Variants in SARAF observed in about 807,000 individuals in gnomAD.
SARAF encodes the protein store-operated calcium entry-associated regulatory factor.
SARAF carries 23 observed loss-of-function variants against 39.7 expected under a neutral mutation model. The observed-to-expected ratio is 0.58, with a 90% CI of 0.42 to 0.82. The LOEUF is 0.82. SARAF is among the 40% of genes least tolerant of loss of function. SARAF has a pLI of 0.00. For synonymous variants in SARAF, 175 were observed against 168.5 expected (o/e 1.04, Z -0.30); for missense variants, 384 against 418.5 (o/e 0.92, Z 0.72).
chr8:30,082,694 C>G, intron 1 of SARAF, 153 bp downstream of exon 1: 1 of 570,388 alleles, frequency 1.8e-6, no homozygotes, highest in South Asian at 2.3e-5. Context: ...GCAGTGGAAC[C>G]AGGGAGAGCA....
In SARAF at chr8:30,070,098, A is replaced by G. The variant is rs773589341; in HGVS notation, c.283-39T>C. 2.0e-6 allele frequency: 3 copies of G among 1,530,982 alleles called. No individual in the cohort carries two copies. In the African/African-American group the frequency reaches 4.2e-5, roughly 21 times the overall value. 94.8% of individuals were successfully genotyped at this position (1,530,982 alleles called of 1,614,324 possible). ...TAGAAACAGACTATTAGAAACAAAC[A>G]TTTTTTTCATTTAATATATGTTACT... On this transcript the variant is annotated intron_variant, in intron 2 of 5. Coordinates refer to ENST00000256255, the MANE Select transcript of SARAF (RefSeq NM_016127.6).
intron 5 of SARAF, among the ~76,000 whole-genome samples, chr8:30,064,990 C>T (rs2117418545): frequency 6.6e-6 from 1 of 152,192 alleles, no homozygotes; most frequent in Middle Eastern, 3.4e-3. Context: ...TAAAATGTAA[C>T]TGCTATCATC....
intron 1 of SARAF, among the ~76,000 whole-genome samples, chr8:30,077,800 G>GA (rs1231647262): frequency 4.9e-5 from 7 of 144,260 alleles, no homozygotes; most frequent in African/African-American, 1.5e-4. Flanking sequence ...GGCTCCATCT[G>GA]AAAAAAAAAG....
At chr8:30,066,673 G>A (rs1399941575) in intron 4 of SARAF, 104 bp downstream of exon 4, 8 of 1,418,616 alleles carry the variant, frequency 5.6e-6, no homozygotes, top group South Asian at 2.6e-5. Context: ...ATAGGCTAAC[G>A]TCACCACAAT....
At chr8:30,065,691 T>C (rs770156442) in intron 5 of SARAF, 4 of 296,420 alleles carry the variant, frequency 1.3e-5, no homozygotes, top group Non-Finnish European at 2.6e-5. Flanking sequence ...TAGAAAAGTC[T>C]AGTTTAGAAC....
chr8:30,070,938 C>A (rs538073485), intron 2 of SARAF, among the ~76,000 whole-genome samples: 3 of 152,110 alleles, frequency 2.0e-5, no homozygotes, highest in African/African-American at 7.2e-5. Context: ...GCAAAAAGAA[C>A]CCAGGCTAGC....
At chr8:30,064,561 A>ATATATATTTTTTATTTTT (rs1423689069) in intron 5 of SARAF, among the ~76,000 whole-genome samples, 8 of 46,228 alleles carry the variant, frequency 1.7e-4, no homozygotes, top group Non-Finnish European at 2.8e-4. Context: ...ATATATATAT[A>ATATATATTTTTTATTTTT]TTTTTTTTTT....
At position 30,063,546 on chromosome 8, in the gene SARAF, G is replaced by A. The variant is rs1801604120; in HGVS notation, c.*342C>T. ...CAACCACCTAAAACTGAAATTTTCT[G>A]TACTTAGTTTCTATTAGTACAACAC... On this transcript the variant is annotated 3_prime_UTR_variant, in exon 6 of 6. Coordinates refer to ENST00000256255, the MANE Select transcript of SARAF (RefSeq NM_016127.6). The A allele has an allele frequency of 1.8e-5, 5 of 281,336 alleles. No individual in the cohort carries two copies. In the South Asian group the frequency reaches 2.5e-4, roughly 14 times the overall value. 17.4% of individuals were successfully genotyped at this position (281,336 alleles called of 1,614,324 possible).
intron 2 of SARAF, among the ~76,000 whole-genome samples, chr8:30,070,285 A>T (rs1801808338): frequency 6.6e-6 from 1 of 152,056 alleles, no homozygotes; most frequent in Non-Finnish European, 1.5e-5. Flanking sequence ...GCAGGCGCCT[A>T]TAATCCCAGC....
intron 2 of SARAF, 93 bp downstream of exon 2, chr8:30,073,784 T>C: frequency 9.0e-7 from 1 of 1,107,678 alleles, no homozygotes; most frequent in Non-Finnish European, 1.3e-6. Flanking sequence ...GAGATTTCCG[T>C]AGGTGCACCC....
At chr8:30,065,860 T>C in intron 5 of SARAF, 128 bp downstream of exon 5, 1 of 1,006,848 alleles carries the variant, frequency 9.9e-7, no homozygotes, top group Non-Finnish European at 1.5e-6. Context: ...TTAACTGTGC[T>C]ATTAATATTT....
chr8:30,080,489 T>A (rs930536479), intron 1 of SARAF, among the ~76,000 whole-genome samples: 1 of 152,256 alleles, frequency 6.6e-6, no homozygotes. Flanking sequence ...CTGTTTATCA[T>A]ACACGGTGCA....
chr8:30,074,208 C>T (rs1040872059), intron 1 of SARAF, among the ~76,000 whole-genome samples, 153 bp from the exon 2 acceptor site: 3 of 152,238 alleles, frequency 2.0e-5, no homozygotes, highest in Admixed American at 6.5e-5. Context: ...ACTATCCCAA[C>T]AACATTCAGG....
intron 5 of SARAF, among the ~76,000 whole-genome samples, chr8:30,065,202 C>A (rs1033091): frequency 0.73 from 111,139 of 151,956 alleles, 41,671 homozygotes; most frequent in Non-Finnish European, 0.82. Context: ...ATGCTATGAA[C>A]AGTCTTGTGC....
chr8:30,063,810 G>T lies in SARAF; in HGVS notation c.*78C>A. On this transcript the variant is annotated 3_prime_UTR_variant, in exon 6 of 6. Coordinates refer to ENST00000256255, the MANE Select transcript of SARAF (RefSeq NM_016127.6). The stretch of plus-strand genomic sequence containing the variant: ...ATCCCCTTTTCCCAATTGTTAACAG[G>T]TAGTACTTTTTTTCTAAAGAGAAAG... 8.3e-7 allele frequency: 1 copy of T among 1,201,270 alleles called. No homozygotes were observed. Among genetic ancestry groups the T allele is most frequent in the Non-Finnish European group, 1.2e-6 (1 of 804,698 alleles). 74.4% of individuals were successfully genotyped at this position (1,201,270 alleles called of 1,614,324 possible). A position where few individuals can be genotyped will look rare whatever the true frequency, so the allele number is the denominator to read the frequency against.
chr8:30,078,872 A>T (rs1220759361), intron 1 of SARAF, among the ~76,000 whole-genome samples: 1 of 152,146 alleles, frequency 6.6e-6, no homozygotes, highest in Non-Finnish European at 1.5e-5. Context: ...AATTATTATC[A>T]TCAGCCAGGC....
chr8:30,063,812 A>T lies in SARAF; in HGVS notation c.*76T>A. On this transcript the variant is annotated 3_prime_UTR_variant, in exon 6 of 6. Transcript: ENST00000256255. ...CCCCTTTTCCCAATTGTTAACAGGT[A>T]GTACTTTTTTTCTAAAGAGAAAGTG... 8.3e-7 allele frequency: 1 copy of T among 1,204,672 alleles called. No homozygotes were observed. 74.6% of individuals were successfully genotyped at this position (1,204,672 alleles called of 1,614,324 possible). A position where few individuals can be genotyped will look rare whatever the true frequency, so the allele number is the denominator to read the frequency against.
intron 5 of SARAF, among the ~76,000 whole-genome samples, chr8:30,064,175 T>C (rs950570111): frequency 5.9e-5 from 9 of 152,026 alleles, no homozygotes; most frequent in Admixed American, 3.9e-4. Flanking sequence ...CATTCTATAG[T>C]GGGGCCACCA....
chr8:30,080,843 A>G (rs1224867520), intron 1 of SARAF, among the ~76,000 whole-genome samples: 1 of 152,234 alleles, frequency 6.6e-6, no homozygotes, highest in Non-Finnish European at 1.5e-5. Context: ...TCTTCATTTA[A>G]AAAGTTCCTC....
Sources: allele counts gnomAD v4.1 joint callset (sites outside exome capture counted in the v4.1 genomes callset), GRCh38; gene constraint gnomAD v4.1.1; transcripts MANE v1.5; gene names NCBI Gene and HGNC (gene_info 2026-07-23, HGNC 2026-07-21).